The following NRXN3 variants were observed in gnomAD, a reference collection of about 807,000 sequenced individuals.
NRXN3 encodes neurexin 3, also known as neurexin III.
Under a neutral mutation model 137.6 loss-of-function variants are expected in NRXN3, and 32 were observed. The ratio of observed to expected loss-of-function variants is 0.23; its 90% CI spans 0.18 to 0.31. NRXN3 has a LOEUF of 0.31. Ranked by LOEUF, NRXN3 falls within the 10% of genes least tolerant of loss-of-function variation. The pLI, the probability that NRXN3 is intolerant of heterozygous loss-of-function variation, is 1.00. For synonymous variants in NRXN3, 798 were observed against 784.5 expected (o/e 1.02, Z -0.29); for missense variants, 1,574 against 2,062.5 (o/e 0.76, Z 4.59).
chr14:78,802,620 G>A (rs2153079884), intron 8 of NRXN3, among the ~76,000 whole-genome samples: 1 of 152,282 alleles, frequency 6.6e-6, no homozygotes, highest in East Asian at 1.9e-4. Context: ...CAAATTGTCG[G>A]TAACCTCAGA....
chr14:79,464,129 T>A (rs2096389657), intron 15 of NRXN3, among the ~76,000 whole-genome samples: 1 of 152,166 alleles, frequency 6.6e-6, no homozygotes, highest in Non-Finnish European at 1.5e-5. Context: ...ATTACCTTCC[T>A]CTAATGTCCC....
chr14:79,013,672 A>G (rs2099574767), intron 15 of NRXN3, among the ~76,000 whole-genome samples: 1 of 152,158 alleles, frequency 6.6e-6, no homozygotes, highest in Non-Finnish European at 1.5e-5. Flanking sequence ...GAATTTGCCT[A>G]TTTTTTGAAA....
At chr14:78,210,762 A>G (rs1474756676) in intron 1 of NRXN3, among the ~76,000 whole-genome samples, 1 of 151,892 alleles carries the variant, frequency 6.6e-6, no homozygotes, top group East Asian at 1.9e-4. Flanking sequence ...TATGTAATGG[A>G]CTTATGTCTT....
intron 19 of NRXN3, among the ~76,000 whole-genome samples, chr14:79,759,785 C>T (rs2139373259): frequency 6.6e-6 from 1 of 151,744 alleles, no homozygotes; most frequent in African/African-American, 2.4e-5. Flanking sequence ...GGAAGAAACA[C>T]ACATAAGAAA....
intron 16 of NRXN3, among the ~76,000 whole-genome samples, chr14:79,660,964 G>GAC (rs149364766): frequency 2.0e-5 from 3 of 151,848 alleles, no homozygotes; most frequent in Admixed American, 6.6e-5. Context: ...CGTGGGCAGT[G>GAC]ACACACACAC....
At chr14:78,765,054 A>G (rs764300928) in intron 8 of NRXN3, among the ~76,000 whole-genome samples, 16 of 151,986 alleles carry the variant, frequency 1.1e-4, no homozygotes, top group Non-Finnish European at 1.3e-4. Flanking sequence ...AGAGAGAGGA[A>G]GCTAAATGTA....
At position 78,243,051 on chromosome 14, in the gene NRXN3, C is replaced by T. The variant is rs1182010903; in HGVS notation, c.-43C>T. On this transcript the variant is annotated 5_prime_UTR_variant, in exon 2 of 21. Coordinates refer to ENST00000335750, the MANE Select transcript of NRXN3 (RefSeq NM_001330195.2). This position sits in a 1 kb window ranked among gnomAD's most constrained non-coding sequence, Gnocchi z 4.2. ...AGGGAGAGATCCTCTCCGGGCTGTTCCCTGGCCTGTCTGCTCCTCCGGGCT... is the reference window on the plus strand; with the variant it reads ...AGGGAGAGATCCTCTCCGGGCTGTTTCCTGGCCTGTCTGCTCCTCCGGGCT... 7.1e-7 allele frequency: 1 copy of T among 1,410,486 alleles called. No homozygotes were observed. Among genetic ancestry groups the T allele is most frequent in the Non-Finnish European group, 9.4e-7 (1 of 1,060,760 alleles). The allele number at this position is 1,410,486 out of a possible 1,614,324, so 87.4% of individuals were successfully genotyped here. A position where few individuals can be genotyped will look rare whatever the true frequency, so the allele number is the denominator to read the frequency against.
At chr14:79,488,425 T>C (rs1362879513) in intron 16 of NRXN3, among the ~76,000 whole-genome samples, 1 of 152,104 alleles carries the variant, frequency 6.6e-6, no homozygotes, top group East Asian at 1.9e-4. Flanking sequence ...CAAGAGTGTG[T>C]GTGTGTTCTG....
intron 15 of NRXN3, among the ~76,000 whole-genome samples, chr14:79,114,574 ATTAC>A (rs1568329010): frequency 6.6e-6 from 1 of 152,336 alleles, no homozygotes; most frequent in African/African-American, 2.4e-5. Context: ...TTTTGTGTAT[ATTAC>A]TTAAAATAAA....
intron 1 of NRXN3, among the ~76,000 whole-genome samples, chr14:78,173,805 CCA>C (rs77825828): frequency 0.13 from 19,209 of 144,272 alleles, 1,548 homozygotes; most frequent in East Asian, 0.18. Flanking sequence ...GTCGGCACAT[CCA>C]CACACACACT....
At chr14:79,790,648 T>C (rs2099142334) in intron 19 of NRXN3, among the ~76,000 whole-genome samples, 1 of 127,060 alleles carries the variant, frequency 7.9e-6, no homozygotes, top group Admixed American at 9.8e-5. Flanking sequence ...TGAGACAGAG[T>C]CTCGCTCTGT....
chr14:79,410,950 A>T (rs1479688166), intron 15 of NRXN3, among the ~76,000 whole-genome samples: 3 of 152,074 alleles, frequency 2.0e-5, no homozygotes, highest in Non-Finnish European at 4.4e-5. Flanking sequence ...GGGGGGGAAG[A>T]TGTAGGGAAA....
intron 15 of NRXN3, among the ~76,000 whole-genome samples, chr14:79,406,566 G>T (rs2095317860): frequency 6.6e-6 from 1 of 151,994 alleles, no homozygotes; most frequent in South Asian, 2.1e-4. Flanking sequence ...GCCTCTTAAA[G>T]TGCTGGGATT....
intron 4 of NRXN3, among the ~76,000 whole-genome samples, chr14:78,460,116 T>A (rs717108): frequency 9.8e-5 from 15 of 152,348 alleles, no homozygotes; most frequent in Admixed American, 2.0e-4. Context: ...CAAAGAATAC[T>A]TATCAACAGC....
At chr14:78,495,875 A>G (rs1369962221) in intron 4 of NRXN3, among the ~76,000 whole-genome samples, 2 of 152,218 alleles carry the variant, frequency 1.3e-5, no homozygotes, top group African/African-American at 4.8e-5. Context: ...ATTTGCTAAA[A>G]TGACAAATCA....
rs534619481 is a variant in NRXN3 at position 78,966,141 on chromosome 14, C to T, written c.2512C>T (p.Leu838Phe). Reference sequence around the variant, plus strand: ...CAGCTTTATTGGCCATCTGCAGAGCCTCATGTTTAATGGCCTTCTCTACAT... The same window carrying T: ...CAGCTTTATTGGCCATCTGCAGAGCTTCATGTTTAATGGCCTTCTCTACAT... ...PSSFIGHLQSLMFNGLLYIDL... is the reference protein window; with the variant it reads ...PSSFIGHLQSFMFNGLLYIDL... The change falls in exon 12 of 21, where the codon CTC becomes TTC. Residue 838 changes from leucine to phenylalanine, a missense_variant. Physicochemically the swap from Leu to Phe is conservative, Grantham distance 22 (BLOSUM62 0). This residue lies in a region of NRXN3 where 718 missense variants were observed against 887.6 expected (regional missense o/e 0.81). Coordinates refer to ENST00000335750, the MANE Select transcript of NRXN3 (RefSeq NM_001330195.2). 1.4e-5 allele frequency: 23 copies of T among 1,614,166 alleles called. No individual in the cohort carries two copies. In the South Asian group the frequency reaches 2.3e-4, roughly 16 times the overall value.
At chr14:78,204,237 T>G (rs2061972304) in intron 1 of NRXN3, among the ~76,000 whole-genome samples, 1 of 151,348 alleles carries the variant, frequency 6.6e-6, no homozygotes, top group African/African-American at 2.4e-5. Context: ...GCCTATTAGA[T>G]AGGCCTAAAA....
At chr14:78,919,683 T>G (rs965863024) in intron 10 of NRXN3, among the ~76,000 whole-genome samples, 1 of 152,188 alleles carries the variant, frequency 6.6e-6, no homozygotes, top group African/African-American at 2.4e-5. Flanking sequence ...AGCAAACAAA[T>G]TGAAGATGTT....
At chr14:79,425,241 G>C (rs1333354668) in intron 15 of NRXN3, among the ~76,000 whole-genome samples, 1 of 152,172 alleles carries the variant, frequency 6.6e-6, no homozygotes, top group Non-Finnish European at 1.5e-5. Flanking sequence ...ACTTCTTAGG[G>C]TTGTCAAGAG....
Sources: allele counts gnomAD v4.1 joint callset (sites outside exome capture counted in the v4.1 genomes callset), GRCh38; gene constraint gnomAD v4.1.1; regional missense constraint gnomAD v4.1.1; non-coding constraint Gnocchi (gnomAD v3.1); transcripts MANE v1.5; gene names NCBI Gene and HGNC (gene_info 2026-07-23, HGNC 2026-07-21).